ELAC2: variants seen among roughly 807,000 people sequenced by gnomAD.
ELAC2 encodes the protein zinc phosphodiesterase ELAC protein 2.
ELAC2 carries 92 observed loss-of-function variants against 105.2 expected under a neutral mutation model. That is an observed-to-expected ratio of 0.87 (90% CI 0.74 to 1.04). ELAC2 has a LOEUF of 1.04. Among genes scored for constraint, ELAC2 ranks in the 50% least tolerant of loss-of-function variants. ELAC2 has a pLI of 0.00. For missense variants in ELAC2, 1,099 were observed against 1,071.7 expected, an observed-to-expected ratio of 1.03 and a Z score of -0.36; for synonymous variants, 468 against 409.1, an observed-to-expected ratio of 1.14 and a Z score of -1.74.
intron 7 of ELAC2, 73 bp downstream of exon 7, chr17:13,011,590 C>T: frequency 6.2e-7 from 1 of 1,611,736 alleles, no homozygotes; most frequent in South Asian, 1.1e-5. Flanking sequence ...TAATGACTCT[C>T]TACAAGCATT....
intron 15 of ELAC2, among the ~76,000 whole-genome samples, chr17:12,998,877 T>A (rs949517160): frequency 6.6e-6 from 1 of 152,216 alleles, no homozygotes; most frequent in Non-Finnish European, 1.5e-5. Flanking sequence ...CACGTTATGA[T>A]GCAGCATGGA....
intron 6 of ELAC2, 102 bp from the exon 7 acceptor site, chr17:13,011,884 A>G: frequency 1.3e-6 from 2 of 1,568,350 alleles, no homozygotes; most frequent in Non-Finnish European, 1.7e-6. Context: ...CAATTAAATC[A>G]GCACACCTTT....
chr17:12,997,442 G>C (rs2040532481), intron 16 of ELAC2, among the ~76,000 whole-genome samples: 2 of 152,158 alleles, frequency 1.3e-5, no homozygotes, highest in Non-Finnish European at 2.9e-5. Context: ...TACCTTCTGG[G>C]GGAAAAAGGA....
At chr17:13,006,593 G>A in intron 8 of ELAC2, 1 of 158,938 alleles carries the variant, frequency 6.3e-6, no homozygotes, top group Admixed American at 6.0e-5. Flanking sequence ...TATCCTTCAA[G>A]TATCATTGAG....
chr17:12,992,957 C>A lies in ELAC2; in HGVS notation c.2342G>T (p.Arg781Leu), dbSNP rs119484086. The change falls in exon 24 of 24, where the codon CGC becomes CTC. Residue 781 changes from arginine (R) to leucine (L), a missense_variant. Physicochemically the swap from Arg to Leu is moderately radical, Grantham distance 102. Coordinates refer to ENST00000338034, the MANE Select transcript of ELAC2 (RefSeq NM_018127.7). The part of the protein sequence containing the change: ...FAGDIEEMEE[R>L]REKRELRQVR... ...CTGCCGCAGCTCCCGCTTCTCCCTG[C>A]GCTCCTCCATCTCCTCGATGTCGCC... is the stretch of plus-strand genomic sequence containing the variant. The A allele has an allele frequency of 5.6e-6, 9 of 1,611,080 alleles. No individual in the cohort carries two copies. Among genetic ancestry groups the A allele is most frequent in the Non-Finnish European group, 6.8e-6 (8 of 1,180,030 alleles).
At position 12,996,535 on chromosome 17, in the gene ELAC2, C is replaced by A. The variant is rs763463675; in HGVS notation, c.1659+12G>T. On this transcript the variant is annotated intron_variant, in intron 17 of 23. Transcript: ENST00000338034. ...TCCAGGCTCCAGCTTTGTGGTCCAG[C>A]CCAACACTCACCGTGTGGTGATCTG... is the stretch of plus-strand genomic sequence containing the variant. The A allele has an allele frequency of 1.2e-6, 2 of 1,613,598 alleles. No individual in the cohort carries two copies. The highest frequency in any genetic ancestry group is 2.7e-5 in the African/African-American group (2 of 74,948).
In ELAC2 at chr17:12,999,107, A is replaced by G. The variant is rs975542208; in HGVS notation, c.1424-599T>C. Among the ~76,000 whole-genome samples, 10 of 152,340 alleles carry G rather than the reference A, an allele frequency of 6.6e-5. No individual in the cohort carries two copies. In the East Asian group the frequency reaches 1.9e-3, roughly 29 times the overall value. On this transcript the variant is annotated intron_variant, in intron 15 of 23. Transcript: ENST00000338034. ...ACCGCTCTGAAACAAAGGACTTCGC[A>G]CCAGTGTGGGACCCACAGGCTATCT...
intron 13 of ELAC2, 30 bp from the exon 14 acceptor site, chr17:13,002,389 GAA>G (rs1232726128): frequency 6.2e-7 from 1 of 1,614,186 alleles, no homozygotes; most frequent in South Asian, 1.1e-5. Context: ...TTCATGGAGA[GAA>G]AGAGAGGGGA....
intron 8 of ELAC2, 134 bp from the exon 9 acceptor site, chr17:13,006,113 G>T (rs1275330749): frequency 2.2e-6 from 2 of 894,890 alleles, no homozygotes; most frequent in Admixed American, 2.0e-5. Flanking sequence ...GCTCACGCCT[G>T]TAATTCCAGT....
chr17:13,005,667 G>A (rs1333075163), intron 10 of ELAC2, 86 bp downstream of exon 10: 4 of 1,383,578 alleles, frequency 2.9e-6, no homozygotes, highest in African/African-American at 1.4e-5. Flanking sequence ...CAAAAGTGGT[G>A]TCTGTAGGGC....
At chr17:12,997,418 C>T (rs1474325795) in intron 16 of ELAC2, among the ~76,000 whole-genome samples, 1 of 152,142 alleles carries the variant, frequency 6.6e-6, no homozygotes, top group Non-Finnish European at 1.5e-5. Flanking sequence ...AGAGAAGCCC[C>T]GGTGCTAAGA....
rs1555570769 is a variant in ELAC2, at chr17:12,992,131, A to ATTGAT, written c.*682_*686dup. On this transcript the variant is annotated 3_prime_UTR_variant, in exon 24 of 24. Transcript: ENST00000338034. ...AGCCAGGCTCTCACTGATTGATTTG[A>ATTGAT]TTGATTGATTGATTGATTGATAGAG... Among the ~76,000 whole-genome samples the ATTGAT allele has an allele frequency of 1.3e-4, 12 of 91,876 alleles. No homozygotes were observed. Among genetic ancestry groups the ATTGAT allele is most frequent in the East Asian group, 1.1e-3 (5 of 4,484 alleles). The allele number at this position is 91,876 out of a possible 152,430, so 60.3% of individuals were successfully genotyped here. A position where few individuals can be genotyped will look rare whatever the true frequency, so the allele number is the denominator to read the frequency against.
chr17:13,017,050 G>C (rs1293306714), intron 2 of ELAC2, 21 bp downstream of exon 2: 1 of 1,613,924 alleles, frequency 6.2e-7, no homozygotes, highest in East Asian at 2.2e-5. Flanking sequence ...CTCCCCCTCC[G>C]AAAGCAAGAG....
intron 3 of ELAC2, among the ~76,000 whole-genome samples, chr17:13,016,641 G>T (rs1033343877): frequency 6.6e-6 from 1 of 151,478 alleles, no homozygotes; most frequent in East Asian, 1.9e-4. Flanking sequence ...TTAGCCAGGT[G>T]TGATGGGGCA....
chr17:13,017,739 G>A lies in ELAC2; in HGVS notation c.209C>T (p.Ser70Leu), dbSNP rs2041828754. The change falls in exon 1 of 24, where the codon TCG (serine) becomes TTG (leucine). Residue 70 changes from serine to leucine, a missense_variant. Physicochemically the swap from Ser to Leu is moderately radical, Grantham distance 145. Transcript: ENST00000338034. The part of the protein sequence containing the change: ...LQVVAAGSRD[S>L]GAALYVFSEF... ...GGAGAAGACGTAGAGCGCGGCGCCC[G>A]AGTCCCGGCTACCCGCTGCCACCAC... 6 of 1,612,252 alleles carry A rather than the reference G, an allele frequency of 3.7e-6. No individual in the cohort carries two copies. The highest frequency in any genetic ancestry group is 2.2e-5 in the East Asian group (1 of 44,846).
chr17:13,004,873 A>C, intron 11 of ELAC2, 116 bp downstream of exon 11: 1 of 867,920 alleles, frequency 1.2e-6, no homozygotes, highest in South Asian at 1.3e-5. Context: ...CGGCCTCTGA[A>C]CTGTAAACCC....
chr17:13,017,622 A>G, intron 1 of ELAC2, 81 bp downstream of exon 1: 1 of 1,602,692 alleles, frequency 6.2e-7, no homozygotes, highest in Non-Finnish European at 8.5e-7. Flanking sequence ...AGGGAAGCCG[A>G]AGCCCTGGGA....
At position 13,017,652 on chromosome 17, in the gene ELAC2, G is replaced by A. The variant is rs765930474; in HGVS notation, c.245+51C>T. 8 of 1,612,310 alleles carry A rather than the reference G, an allele frequency of 5.0e-6. No homozygotes were observed. The South Asian group carries it at 5.5e-5, about 11-fold the overall frequency. ...CTGGGAGGTGCCCCGATGCTCAGAG[G>A]CTGCGCCGCACTGAGGGCCCAGCGG... On this transcript the variant is annotated intron_variant, in intron 1 of 23. Transcript: ENST00000338034.
chr17:13,002,727 A>G (rs1454663388), intron 12 of ELAC2, 148 bp from the exon 13 acceptor site: 2 of 1,276,498 alleles, frequency 1.6e-6, no homozygotes, highest in South Asian at 2.6e-5. Context: ...ATGGCCAAAC[A>G]TGGTCCCACT....
Sources: gnomAD v4.1 joint callset for allele counts (sites outside exome capture counted in the v4.1 genomes callset) on GRCh38, gnomAD v4.1.1 for gene constraint, MANE v1.5 for transcripts, NCBI Gene and HGNC (gene_info 2026-07-23, HGNC 2026-07-21) for gene names.